The following ADAMTSL3 variants were observed in gnomAD, a reference collection of about 807,000 sequenced individuals.
The protein encoded by ADAMTSL3 is ADAMTS like 3.
In ADAMTSL3, 128 loss-of-function variants were observed where a neutral mutation model predicts 201.7. The observed-to-expected ratio is 0.63, with a 90% CI of 0.55 to 0.73. ADAMTSL3 has a LOEUF of 0.73. Ranked by LOEUF, ADAMTSL3 falls within the 30% of genes least tolerant of loss-of-function variation. The probability of loss-of-function intolerance (pLI) is 0.00; values close to 1 mark genes in which losing one functional copy is unlikely to be tolerated. For missense variants in ADAMTSL3, 1,990 were observed against 2,119.6 expected (o/e 0.94, Z 1.20); for synonymous variants, 738 against 748.4 (o/e 0.99, Z 0.23).
intron 3 of ADAMTSL3, among the ~76,000 whole-genome samples, chr15:83,771,424 A>G (rs2062982518): frequency 6.6e-6 from 1 of 152,194 alleles, no homozygotes; most frequent in South Asian, 2.1e-4. Context: ...CTTTATACCC[A>G]TTGGACAGTA....
At position 83,798,828 on chromosome 15, in the gene ADAMTSL3, A is replaced by C. The variant is rs564300023; in HGVS notation, c.318-5822A>C. Reference sequence around the variant, plus strand: ...TCTCAAAAAAAAAAAAAAAAAACAAAAAAAAAGGACAATAACACCACTTTT... The same window carrying C: ...TCTCAAAAAAAAAAAAAAAAAACAACAAAAAAGGACAATAACACCACTTTT... On this transcript the variant is annotated intron_variant, in intron 4 of 29. Transcript: ENST00000286744. Among the ~76,000 whole-genome samples the C allele has an allele frequency of 1.6e-3, 246 of 151,538 alleles. 6 individuals are homozygous for C. In the East Asian group the frequency reaches 0.03, roughly 19 times the overall value.
chr15:83,830,550 C>A (rs2064134624), intron 6 of ADAMTSL3, among the ~76,000 whole-genome samples: 1 of 152,200 alleles, frequency 6.6e-6, no homozygotes, highest in Admixed American at 6.5e-5. Context: ...GACTAAAGAT[C>A]ACTGGCAACA....
intron 3 of ADAMTSL3, among the ~76,000 whole-genome samples, chr15:83,714,787 T>TTCTTTCTCTC (rs2061982119): frequency 1.3e-5 from 1 of 79,104 alleles, no homozygotes; most frequent in African/African-American, 4.9e-5. Context: ...TTCTTTCTTT[T>TTCTTTCTCTC]TCTTTCTCTC....
At chr15:83,783,579 A>T (rs2063211589) in intron 4 of ADAMTSL3, among the ~76,000 whole-genome samples, 1 of 152,138 alleles carries the variant, frequency 6.6e-6, no homozygotes, top group South Asian at 2.1e-4. Context: ...ACCAAAATGA[A>T]AAGAAAATTG....
intron 5 of ADAMTSL3, among the ~76,000 whole-genome samples, chr15:83,818,878 CTA>C (rs2063810325): frequency 6.6e-6 from 1 of 152,136 alleles, no homozygotes; most frequent in Admixed American, 6.5e-5. Flanking sequence ...TTTGAACAAG[CTA>C]TGTTTTCTGC....
Position 83,899,058 on chromosome 15 carries a change from C to T in ADAMTSL3, c.1616-589C>T, listed in dbSNP as rs117666762. ...ACCCTAAAGTTATTTTTATTTCTCA[C>T]TTCATAGATAGATTATTCCTTTCTT... On this transcript the variant is annotated intron_variant, in intron 14 of 29. Coordinates refer to ENST00000286744, the MANE Select transcript of ADAMTSL3 (RefSeq NM_207517.3). 3.0e-3 allele frequency among the ~76,000 whole-genome samples: 456 copies of T among 152,246 alleles called. 3 individuals carry two copies. The highest frequency in any genetic ancestry group is 4.4e-3 in the Non-Finnish European group (298 of 68,018).
rs199548080 is a variant in ADAMTSL3, at chr15:84,007,590, G to GT, written c.3974-6944dup. Among the ~76,000 whole-genome samples the GT allele has an allele frequency of 1.5e-3, 213 of 146,550 alleles. 1 individual carries two copies. Among genetic ancestry groups the GT allele is most frequent in the African/African-American group, 5.0e-3 (204 of 41,098 alleles). Reference sequence around the variant, plus strand: ...TAAAAATCCATCTCTCTCTGGCTCTGTTTTTTTTCTGTGTTTTGAGGTGGT... The same window carrying GT: ...TAAAAATCCATCTCTCTCTGGCTCTGTTTTTTTTTCTGTGTTTTGAGGTGGT... On this transcript the variant is annotated intron_variant, in intron 23 of 29. Coordinates refer to ENST00000286744, the MANE Select transcript of ADAMTSL3 (RefSeq NM_207517.3).
At chr15:83,684,783 G>A (rs1320809553) in intron 2 of ADAMTSL3, among the ~76,000 whole-genome samples, 1 of 152,014 alleles carries the variant, frequency 6.6e-6, no homozygotes, top group Non-Finnish European at 1.5e-5. Flanking sequence ...TGTACATTTA[G>A]TTGTTTTCAA....
chr15:83,970,962 C>A (rs1224112723), intron 20 of ADAMTSL3, among the ~76,000 whole-genome samples: 1 of 152,166 alleles, frequency 6.6e-6, no homozygotes, highest in Non-Finnish European at 1.5e-5. Context: ...AAAATACCTC[C>A]TGGTTCACTT....
At chr15:83,913,004 C>A (rs2065959618) in intron 15 of ADAMTSL3, 88 bp from the exon 16 acceptor site, 7 of 1,414,824 alleles carry the variant, frequency 4.9e-6, no homozygotes, top group Non-Finnish European at 6.7e-6. Context: ...GTTATTTTTG[C>A]CTTCGTTGAA....
chr15:83,829,494 T>G (rs1328863133), intron 6 of ADAMTSL3, among the ~76,000 whole-genome samples: 1 of 152,168 alleles, frequency 6.6e-6, no homozygotes, highest in Non-Finnish European at 1.5e-5. Context: ...GATTCTTTGA[T>G]TTTTTGAAGG....
At chr15:83,959,381 A>T (rs2066916067) in intron 19 of ADAMTSL3, among the ~76,000 whole-genome samples, 1 of 152,216 alleles carries the variant, frequency 6.6e-6, no homozygotes, top group African/African-American at 2.4e-5. Context: ...ATGAGCTGAG[A>T]TTGTGCCAAC....
rs557243410 is a variant in ADAMTSL3, at chr15:83,975,620, G to A, written c.2644+4983G>A. On this transcript the variant is annotated intron_variant, in intron 20 of 29. Transcript: ENST00000286744. ...GTGACACTGGGTGGTTAGAGGTCAGGAAGAAATTCACAGAGGAGGAACTCT... is the reference window on the plus strand; with the variant it reads ...GTGACACTGGGTGGTTAGAGGTCAGAAAGAAATTCACAGAGGAGGAACTCT... Among the ~76,000 whole-genome samples, 4 of 152,310 alleles carry A rather than the reference G, an allele frequency of 2.6e-5. No individual in the cohort carries two copies. The South Asian group carries it at 8.3e-4, about 32-fold the overall frequency.
chr15:83,978,283 C>T (rs2067321722), intron 20 of ADAMTSL3, among the ~76,000 whole-genome samples: 1 of 152,192 alleles, frequency 6.6e-6, no homozygotes, highest in African/African-American at 2.4e-5. Flanking sequence ...CCAGAACTGG[C>T]CTTGACTGGG....
At chr15:83,874,375 A>C (rs565562275) in intron 9 of ADAMTSL3, among the ~76,000 whole-genome samples, 1 of 144,902 alleles carries the variant, frequency 6.9e-6, no homozygotes, top group South Asian at 2.1e-4. Flanking sequence ...AGTGCCATGA[A>C]ATGTTTAGTC....
chr15:83,869,757 T>G (rs1240902718), intron 8 of ADAMTSL3, among the ~76,000 whole-genome samples: 1 of 152,216 alleles, frequency 6.6e-6, no homozygotes, highest in African/African-American at 2.4e-5. Flanking sequence ...GTTTGAGATT[T>G]TTAAAGACTG....
intron 3 of ADAMTSL3, among the ~76,000 whole-genome samples, chr15:83,723,938 GAT>G (rs1180884588): frequency 3.3e-5 from 5 of 152,054 alleles, no homozygotes; most frequent in Non-Finnish European, 7.4e-5. Context: ...TAACAATTAA[GAT>G]ATTTTGAAGG....
intron 16 of ADAMTSL3, among the ~76,000 whole-genome samples, chr15:83,923,485 G>A (rs567667606): frequency 3.9e-5 from 6 of 152,192 alleles, no homozygotes; most frequent in Non-Finnish European, 8.8e-5. Flanking sequence ...TAGAGAAAGT[G>A]TTATTCTTAT....
chr15:83,959,458 A>G lies in ADAMTSL3; in HGVS notation c.2491-11026A>G, dbSNP rs561269001. 8.2e-4 allele frequency among the ~76,000 whole-genome samples: 125 copies of G among 152,342 alleles called. 2 individuals carry two copies. The highest frequency in any genetic ancestry group is 3.4e-3 in the Middle Eastern group (1 of 294). On this transcript the variant is annotated intron_variant, in intron 19 of 29. Transcript: ENST00000286744. Reference sequence around the variant, plus strand: ...AAGATAAAAATATATTTGTGCATCTATGCAAAAGAATCAAGTCATTTATTA... The same window carrying G: ...AAGATAAAAATATATTTGTGCATCTGTGCAAAAGAATCAAGTCATTTATTA...
Sources: gnomAD v4.1 joint callset for allele counts (sites outside exome capture counted in the v4.1 genomes callset) on GRCh38, gnomAD v4.1.1 for gene constraint, MANE v1.5 for transcripts, NCBI Gene and HGNC (gene_info 2026-07-23, HGNC 2026-07-21) for gene names.